Variants in ADAM29 observed in about 807,000 individuals in gnomAD.
ADAM29 encodes ADAM metallopeptidase domain 29.
For synonymous variants in ADAM29, 367 were observed against 342.3 expected, an observed-to-expected ratio of 1.07 and a Z score of -0.80; for missense variants, 969 against 1,001.8, an observed-to-expected ratio of 0.97 and a Z score of 0.44.
intron 4 of ADAM29, among the ~76,000 whole-genome samples, chr4:174,939,374 A>G (rs1560868668): frequency 6.6e-6 from 1 of 152,234 alleles, no homozygotes; most frequent in African/African-American, 2.4e-5. Context: ...ATCTAGAATA[A>G]GGAATAGTCA....
intron 4 of ADAM29, among the ~76,000 whole-genome samples, chr4:174,967,355 T>C (rs35574394): frequency 0.19 from 28,277 of 152,142 alleles, 3,208 homozygotes; most frequent in East Asian, 0.31. Flanking sequence ...GCAGTAGTGG[T>C]GGTTACCTGA....
chr4:174,972,996 T>C (rs549452759), intron 4 of ADAM29, among the ~76,000 whole-genome samples: 2 of 152,346 alleles, frequency 1.3e-5, no homozygotes, highest in East Asian at 1.9e-4. Context: ...ACTAGTTAGA[T>C]AGATGCTAGA....
chr4:174,937,129 A>G (rs570885135), intron 4 of ADAM29, 116 bp downstream of exon 4: 7 of 152,144 alleles, frequency 4.6e-5, no homozygotes, highest in African/African-American at 1.7e-4. Context: ...TACTTGTTGC[A>G]TTATGTAGAG....
At chr4:174,948,595 CAACCA>C (rs1744986789) in intron 4 of ADAM29, among the ~76,000 whole-genome samples, 1 of 152,292 alleles carries the variant, frequency 6.6e-6, no homozygotes, top group South Asian at 2.1e-4. Context: ...CAGGGGCTGC[CAACCA>C]AAGTGCTTTG....
Position 174,976,215 on chromosome 4 carries a change from T to G in ADAM29, c.690T>G (p.Asn230Lys). The G allele has an allele frequency of 6.2e-7, 1 of 1,605,686 alleles. No individual in the cohort carries two copies. Among genetic ancestry groups the G allele is most frequent in the Non-Finnish European group, 8.5e-7 (1 of 1,177,308 alleles). ...KLLEDLYVIV[N>K]IVDSILDVIG... ...TGGAGGATCTATATGTTATTGTTAA[T>G]ATAGTGGATTCCATTTTGGATGTCA... is the stretch of plus-strand genomic sequence containing the variant. The change falls in exon 5 of 5, where the codon AAT becomes AAG. Residue 230 changes from asparagine to lysine, a missense_variant. By Grantham distance (94) the Asn-to-Lys change is moderately conservative. Transcript: ENST00000359240.
At chr4:174,963,334 TCAGA>T (rs1745963377) in intron 4 of ADAM29, among the ~76,000 whole-genome samples, 1 of 152,138 alleles carries the variant, frequency 6.6e-6, no homozygotes, top group African/African-American at 2.4e-5. Flanking sequence ...TTTTATGATA[TCAGA>T]CAAATTTGAT....
chr4:174,938,241 A>G (rs1435595706), intron 4 of ADAM29, among the ~76,000 whole-genome samples: 1 of 152,130 alleles, frequency 6.6e-6, no homozygotes, highest in Admixed American at 6.6e-5. Context: ...CGGGGCAAGA[A>G]GTCTACTAGG....
intron 4 of ADAM29, among the ~76,000 whole-genome samples, chr4:174,952,088 A>T (rs893264849): frequency 3.3e-5 from 5 of 152,196 alleles, no homozygotes; most frequent in African/African-American, 1.2e-4. Flanking sequence ...TAGCCATTCC[A>T]TGATATATAC....
chr4:174,944,903 T>C (rs1373032110), intron 4 of ADAM29, among the ~76,000 whole-genome samples: 1 of 152,202 alleles, frequency 6.6e-6, no homozygotes, highest in African/African-American at 2.4e-5. Flanking sequence ...GGTGTATATG[T>C]ACCACATTTT....
intron 3 of ADAM29, among the ~76,000 whole-genome samples, chr4:174,932,758 G>A (rs1295955263): frequency 6.6e-6 from 1 of 152,188 alleles, no homozygotes; most frequent in East Asian, 1.9e-4. Context: ...AAAGGGGAAA[G>A]TCTGAGGAGG....
At chr4:174,948,634 G>C (rs1744988407) in intron 4 of ADAM29, among the ~76,000 whole-genome samples, 1 of 152,220 alleles carries the variant, frequency 6.6e-6, no homozygotes, top group Admixed American at 6.5e-5. Flanking sequence ...AGTGGGATCT[G>C]TGCTTGCTCA....
intron 4 of ADAM29, among the ~76,000 whole-genome samples, chr4:174,941,537 G>T (rs1260234365): frequency 1.3e-5 from 2 of 152,150 alleles, no homozygotes; most frequent in Non-Finnish European, 2.9e-5. Context: ...TCACATGGCA[G>T]CAGGGAGCAG....
chr4:174,975,628 A>G lies in ADAM29; in HGVS notation c.103A>G (p.Ile35Val), dbSNP rs1156897172. ...PQYHSPPDVV[I>V]PVRITGTTRG... ...ATATCACAGCCCTCCGGATGTGGTGATTCCTGTGAGGATAACTGGCACCAC... is the reference window on the plus strand; with the variant it reads ...ATATCACAGCCCTCCGGATGTGGTGGTTCCTGTGAGGATAACTGGCACCAC... The change falls in exon 5 of 5, where the codon ATT becomes GTT. Residue 35 changes from isoleucine to valine, a missense_variant. Transcript: ENST00000359240. 1 of 1,612,360 alleles carries G rather than the reference A, an allele frequency of 6.2e-7. No individual in the cohort carries two copies. The highest frequency in any genetic ancestry group is 1.3e-5 in the African/African-American group (1 of 75,014).
At chr4:174,975,049 G>C (rs537081555) in intron 4 of ADAM29, among the ~76,000 whole-genome samples, 2 of 152,166 alleles carry the variant, frequency 1.3e-5, no homozygotes, top group East Asian at 1.9e-4. Context: ...AATTATTGTG[G>C]AAATATTTGC....
At chr4:174,928,613 T>C (rs1743666434) in intron 2 of ADAM29, among the ~76,000 whole-genome samples, 2 of 145,912 alleles carry the variant, frequency 1.4e-5, no homozygotes, top group Non-Finnish European at 3.0e-5. Context: ...GCAAAGACAA[T>C]TGCAGAGGGA....
intron 3 of ADAM29, among the ~76,000 whole-genome samples, chr4:174,935,191 T>C (rs1308428317): frequency 6.6e-6 from 1 of 152,266 alleles, no homozygotes; most frequent in South Asian, 2.1e-4. Flanking sequence ...GATCTCTCTG[T>C]TGTCAGTTCT....
chr4:174,974,166 G>A (rs1168687928), intron 4 of ADAM29, among the ~76,000 whole-genome samples: 1 of 152,216 alleles, frequency 6.6e-6, no homozygotes, highest in East Asian at 1.9e-4. Context: ...ACACACATGT[G>A]TCCTGACTCC....
chr4:174,944,976 T>C (rs932667484), intron 4 of ADAM29, among the ~76,000 whole-genome samples: 1 of 152,114 alleles, frequency 6.6e-6, no homozygotes, highest in Non-Finnish European at 1.5e-5. Context: ...AACAGTGCTG[T>C]GATGAATATA....
chr4:174,919,687 T>G (rs1003021694), intron 1 of ADAM29, among the ~76,000 whole-genome samples: 3 of 152,192 alleles, frequency 2.0e-5, no homozygotes, highest in African/African-American at 4.8e-5. Flanking sequence ...AGCTAGAGAT[T>G]CTTTTGCTTT....
Sources: gnomAD v4.1 joint callset for allele counts (sites outside exome capture counted in the v4.1 genomes callset) on GRCh38, gnomAD v4.1.1 for gene constraint, MANE v1.5 for transcripts, NCBI Gene and HGNC (gene_info 2026-07-23, HGNC 2026-07-21) for gene names.